The following GRM5 variants were observed in gnomAD, a reference collection of about 807,000 sequenced individuals.
The protein encoded by GRM5 is glutamate metabotropic receptor 5, also known as metabotropic glutamate receptor 5.
A neutral mutation model predicts 83.1 loss-of-function variants in GRM5; 19 were observed. That is an observed-to-expected ratio of 0.23 (90% CI 0.16 to 0.34). The LOEUF is 0.34. GRM5 is among the 10% of genes least tolerant of loss of function. The pLI is 1.00. For missense variants in GRM5, 1,160 were observed against 1,588.3 expected (o/e 0.73, Z 4.58); for synonymous variants, 675 against 633.6 (o/e 1.07, Z -0.98).
intron 2 of GRM5, among the ~76,000 whole-genome samples, chr11:88,967,334 C>T (rs2134997145): frequency 1.3e-5 from 2 of 150,520 alleles, no homozygotes; most frequent in South Asian, 4.2e-4. Context: ...GATGCCCCTA[C>T]CACTTATAGG....
intron 7 of GRM5, among the ~76,000 whole-genome samples, chr11:88,578,230 G>GTGTC (rs1350618949): frequency 1.3e-5 from 2 of 151,970 alleles, no homozygotes; most frequent in African/African-American, 4.8e-5. Flanking sequence ...TTTTTAAGAG[G>GTGTC]TGTCAAGATA....
At chr11:88,828,588 A>G (rs1943933307) in intron 3 of GRM5, among the ~76,000 whole-genome samples, 1 of 152,208 alleles carries the variant, frequency 6.6e-6, no homozygotes, top group African/African-American at 2.4e-5. Flanking sequence ...TAAAAAGTAA[A>G]GAAAAGGATA....
intron 4 of GRM5, among the ~76,000 whole-genome samples, chr11:88,606,473 G>A (rs972926927): frequency 1.2e-4 from 19 of 152,288 alleles, no homozygotes; most frequent in Admixed American, 2.6e-4. Context: ...CCAAGATGGC[G>A]CCATTGCACT....
chr11:88,563,009 G>A (rs75954623), intron 8 of GRM5, among the ~76,000 whole-genome samples: 1,969 of 152,210 alleles, frequency 0.013, 47 homozygotes, highest in African/African-American at 0.045. Flanking sequence ...ACCAACACCC[G>A]AAGAAATCTC....
At chr11:88,923,448 C>T (rs1162888625) in intron 2 of GRM5, among the ~76,000 whole-genome samples, 1 of 151,972 alleles carries the variant, frequency 6.6e-6, no homozygotes, top group Admixed American at 6.6e-5. Flanking sequence ...AAGCCAAGCA[C>T]AGAAAGACAA....
intron 9 of GRM5, among the ~76,000 whole-genome samples, chr11:88,519,504 C>G (rs1245271049): frequency 2.0e-5 from 3 of 151,996 alleles, no homozygotes; most frequent in Admixed American, 6.6e-5. Flanking sequence ...CTAATATGGG[C>G]TTTACCAATT....
At chr11:88,770,888 C>A (rs1942722332) in intron 3 of GRM5, among the ~76,000 whole-genome samples, 2 of 152,098 alleles carry the variant, frequency 1.3e-5, no homozygotes, top group Admixed American at 1.3e-4. Context: ...GCATTTGTCA[C>A]TTAGCGTCAG....
chr11:88,723,647 A>G (rs1387309256), intron 3 of GRM5, among the ~76,000 whole-genome samples: 2 of 151,974 alleles, frequency 1.3e-5, no homozygotes, highest in African/African-American at 4.8e-5. Context: ...ACTAGATAAC[A>G]ACTTTTCACT....
intron 2 of GRM5, among the ~76,000 whole-genome samples, chr11:89,037,060 A>G (rs1941406069): frequency 6.6e-6 from 1 of 152,022 alleles, no homozygotes; most frequent in South Asian, 2.1e-4. Flanking sequence ...GTGGCTTATT[A>G]CACGTAGTGC....
chr11:88,927,578 G>A (rs994714478), intron 2 of GRM5, among the ~76,000 whole-genome samples: 2 of 151,958 alleles, frequency 1.3e-5, no homozygotes, highest in African/African-American at 2.4e-5. Context: ...AATTTGAATG[G>A]ACTAAACTTT....
chr11:88,872,360 A>C (rs561592058), intron 2 of GRM5, among the ~76,000 whole-genome samples: 1 of 151,590 alleles, frequency 6.6e-6, no homozygotes, highest in African/African-American at 2.4e-5. Flanking sequence ...TAAATTTTAC[A>C]TTTTATTAAA....
At chr11:88,803,951 G>T (rs12221717) in intron 3 of GRM5, among the ~76,000 whole-genome samples, 65,332 of 151,202 alleles carry the variant, frequency 0.43, 16,643 homozygotes, top group African/African-American at 0.69. Flanking sequence ...ACCATCACTG[G>T]CCATCAGAGA....
rs1181842819 is a variant in GRM5, at chr11:88,667,871, C to T, written c.912-14468G>A. Among the ~76,000 whole-genome samples, 10 of 149,556 alleles carry T rather than the reference C, an allele frequency of 6.7e-5. No homozygotes were observed. In the South Asian group the frequency reaches 1.7e-3, roughly 25 times the overall value. ...TTGAGCTACTGCACTCCAGCATGGG[C>T]GACAGAGGGAGACTCTATCAAAAAA... On this transcript the variant is annotated intron_variant, in intron 3 of 9. Coordinates refer to ENST00000305447, the MANE Select transcript of GRM5 (RefSeq NM_001143831.3).
chr11:88,747,621 A>G (rs1357839506), intron 3 of GRM5, among the ~76,000 whole-genome samples: 3 of 152,182 alleles, frequency 2.0e-5, no homozygotes, highest in Non-Finnish European at 4.4e-5. Flanking sequence ...GTAGATAAGA[A>G]AAATTCACTA....
In GRM5 at chr11:88,593,733, CCTCCCTCCCTCCTTCG is replaced by C. The variant is rs201740079; in HGVS notation, c.1564-3022_1564-3007del. Among the ~76,000 whole-genome samples, 1,068 of 149,708 alleles carry C rather than the reference CCTCCCTCCCTCCTTCG, an allele frequency of 7.1e-3. 18 individuals are homozygous for C. The highest frequency in any genetic ancestry group is 0.071 in the East Asian group (354 of 4,980). ...AGTTACATTTTCCCTTTCTTCCTTC[CCTCCCTCCCTCCTTCG>C]CTCCCTCCCTCCTTCTCTCTCTCTC... On this transcript the variant is annotated intron_variant, in intron 6 of 9. Transcript: ENST00000305447.
At chr11:89,037,107 A>G (rs1488401465) in intron 2 of GRM5, among the ~76,000 whole-genome samples, 1 of 152,084 alleles carries the variant, frequency 6.6e-6, no homozygotes, top group East Asian at 1.9e-4. Context: ...TATAGCCAAA[A>G]AGTTATCTTG....
chr11:88,970,991 A>C (rs1277758303), intron 2 of GRM5, among the ~76,000 whole-genome samples: 1 of 152,046 alleles, frequency 6.6e-6, no homozygotes, highest in Non-Finnish European at 1.5e-5. Flanking sequence ...CCCAATATGG[A>C]TGTGAGTCAA....
At chr11:88,959,642 C>G (rs1423993091) in intron 2 of GRM5, among the ~76,000 whole-genome samples, 2 of 152,090 alleles carry the variant, frequency 1.3e-5, no homozygotes, top group Non-Finnish European at 2.9e-5. Flanking sequence ...AAATAAGAGA[C>G]TACTAACACC....
Position 88,638,064 on chromosome 11 carries a change from C to T in GRM5, c.1147+15104G>A, listed in dbSNP as rs1845977349. On this transcript the variant is annotated intron_variant, in intron 4 of 9. Transcript: ENST00000305447. ...GTAAACTATCGCAAGAACAAAAAACCAAACACTGCGTATTCTCACTCTTAG... is the reference window on the plus strand; with the variant it reads ...GTAAACTATCGCAAGAACAAAAAACTAAACACTGCGTATTCTCACTCTTAG... Among the ~76,000 whole-genome samples the T allele has an allele frequency of 1.3e-5, 2 of 148,758 alleles. 1 individual carries two copies. Among genetic ancestry groups the T allele is most frequent in the South Asian group, 4.2e-4 (2 of 4,740 alleles).
Sources: gnomAD v4.1 joint callset for allele counts (sites outside exome capture counted in the v4.1 genomes callset) on GRCh38, gnomAD v4.1.1 for gene constraint, MANE v1.5 for transcripts, NCBI Gene and HGNC (gene_info 2026-07-23, HGNC 2026-07-21) for gene names.